Variants in KLHL1 observed in about 807,000 individuals in gnomAD.
The protein encoded by KLHL1 is kelch-like protein 1.
In KLHL1, 47 loss-of-function variants were observed where a neutral mutation model predicts 77.7. The observed-to-expected ratio is 0.60, with a 90% confidence interval of 0.48 to 0.77. The LOEUF is 0.77. Among genes scored for constraint, KLHL1 ranks in the 30% least tolerant of loss-of-function variants. The pLI, the probability that KLHL1 is intolerant of heterozygous loss-of-function variation, is 0.00. For missense variants in KLHL1, 925 were observed against 910.8 expected (o/e 1.02, Z -0.20); for synonymous variants, 360 against 325.2 (o/e 1.11, Z -1.15).
At chr13:70,077,592 A>G (rs1887295294) in intron 1 of KLHL1, among the ~76,000 whole-genome samples, 1 of 152,046 alleles carries the variant, frequency 6.6e-6, no homozygotes, top group Admixed American at 6.6e-5. Context: ...TAGATTTTGG[A>G]TAATAACAAT....
At chr13:70,095,562 C>G (rs1887768730) in intron 1 of KLHL1, among the ~76,000 whole-genome samples, 1 of 152,042 alleles carries the variant, frequency 6.6e-6, no homozygotes, top group South Asian at 2.1e-4. Context: ...GGATACATGA[C>G]AGTTGTACAT....
chr13:69,743,522 C>T (rs141223959), intron 7 of KLHL1, among the ~76,000 whole-genome samples: 4 of 152,120 alleles, frequency 2.6e-5, no homozygotes, highest in African/African-American at 7.2e-5. Context: ...TGGTGGCTCA[C>T]GCCAGTAATC....
chr13:69,788,044 C>G (rs1328986282), intron 7 of KLHL1, among the ~76,000 whole-genome samples: 1 of 152,180 alleles, frequency 6.6e-6, no homozygotes, highest in Non-Finnish European at 1.5e-5. Context: ...GAAATAGGAA[C>G]ACTTTTACAC....
intron 1 of KLHL1, among the ~76,000 whole-genome samples, chr13:70,045,887 AG>A (rs1886483867): frequency 6.6e-6 from 1 of 152,214 alleles, no homozygotes; most frequent in African/African-American, 2.4e-5. Flanking sequence ...GTTTTGTCAA[AG>A]CTTTTAATCA....
intron 7 of KLHL1, among the ~76,000 whole-genome samples, chr13:69,741,670 C>G (rs990874017): frequency 7.9e-5 from 12 of 152,186 alleles, no homozygotes; most frequent in African/African-American, 2.6e-4. Context: ...TGTCTAGAGC[C>G]CTGACTTCAT....
chr13:69,770,712 C>T (rs974305068), intron 7 of KLHL1, among the ~76,000 whole-genome samples: 20 of 152,102 alleles, frequency 1.3e-4, no homozygotes, highest in African/African-American at 4.8e-4. Flanking sequence ...CTCTGCTCTA[C>T]AATAGAATAA....
At chr13:70,106,190 A>G (rs1040574387) in intron 1 of KLHL1, among the ~76,000 whole-genome samples, 15 of 151,952 alleles carry the variant, frequency 9.9e-5, no homozygotes, top group African/African-American at 3.1e-4. Flanking sequence ...ACTAAAAAAG[A>G]TGCTTCTGTT....
intron 7 of KLHL1, among the ~76,000 whole-genome samples, chr13:69,780,245 C>T (rs965236736): frequency 3.3e-5 from 5 of 152,168 alleles, no homozygotes; most frequent in Non-Finnish European, 7.4e-5. Context: ...GCATCTCCAA[C>T]TTACCTCCTT....
At chr13:69,753,822 T>C (rs1874587971) in intron 7 of KLHL1, among the ~76,000 whole-genome samples, 1 of 142,306 alleles carries the variant, frequency 7.0e-6, no homozygotes, top group Non-Finnish European at 1.5e-5. Flanking sequence ...TCATTTTCCA[T>C]AATGGCATAG....
At chr13:69,871,497 C>A (rs752508455) in intron 5 of KLHL1, among the ~76,000 whole-genome samples, 1 of 152,194 alleles carries the variant, frequency 6.6e-6, no homozygotes, top group African/African-American at 2.4e-5. Context: ...TTCTCTACCA[C>A]ATGACCAGGC....
intron 10 of KLHL1, among the ~76,000 whole-genome samples, chr13:69,706,153 A>ATT (rs200920987): frequency 8.0e-5 from 12 of 149,436 alleles, no homozygotes; most frequent in East Asian, 2.0e-4. Flanking sequence ...ACTTGCTTTT[A>ATT]TTTTTTTTTT....
chr13:69,981,809 A>C (rs937197928), intron 1 of KLHL1, among the ~76,000 whole-genome samples: 2 of 152,062 alleles, frequency 1.3e-5, no homozygotes, highest in Admixed American at 6.6e-5. Context: ...AAATCTAAAA[A>C]AATTCTAACA....
chr13:69,714,398 T>G (rs1876018130), intron 9 of KLHL1, among the ~76,000 whole-genome samples: 1 of 152,080 alleles, frequency 6.6e-6, no homozygotes, highest in Non-Finnish European at 1.5e-5. Context: ...TTAACTACTG[T>G]CAGTCAGCAG....
chr13:69,962,583 A>G (rs1442630941), intron 2 of KLHL1, among the ~76,000 whole-genome samples: 1 of 152,080 alleles, frequency 6.6e-6, no homozygotes, highest in African/African-American at 2.4e-5. Flanking sequence ...TTGGAATATA[A>G]GCTTTACTAA....
At chr13:69,796,595 T>C (rs745617375) in intron 7 of KLHL1, 143 bp downstream of exon 7, 1 of 666,280 alleles carries the variant, frequency 1.5e-6, no homozygotes, top group Non-Finnish European at 2.5e-6. Flanking sequence ...CCAAGAAATT[T>C]TTCTATGTTA....
At chr13:69,790,042 T>G (rs1876794934) in intron 7 of KLHL1, among the ~76,000 whole-genome samples, 1 of 152,020 alleles carries the variant, frequency 6.6e-6, no homozygotes, top group Non-Finnish European at 1.5e-5. Context: ...ACTATCAAGC[T>G]TCTCTTGGTG....
intron 4 of KLHL1, among the ~76,000 whole-genome samples, chr13:69,928,965 T>C (rs1882905735): frequency 6.6e-6 from 1 of 152,140 alleles, no homozygotes; most frequent in South Asian, 2.1e-4. Context: ...TAGAAAAATA[T>C]TTATTCATTC....
intron 1 of KLHL1, among the ~76,000 whole-genome samples, chr13:70,086,926 C>T: frequency 6.6e-6 from 1 of 151,774 alleles, no homozygotes; most frequent in Non-Finnish European, 1.5e-5. Flanking sequence ...GAGAGTGGAG[C>T]CCAAAAACAG....
intron 8 of KLHL1, among the ~76,000 whole-genome samples, chr13:69,735,460 A>G (rs1165809487): frequency 6.6e-6 from 1 of 150,586 alleles, no homozygotes; most frequent in East Asian, 2.0e-4. Context: ...TAGAAAATCT[A>G]TTATAAATTG....
Sources: allele counts gnomAD v4.1 joint callset (sites outside exome capture counted in the v4.1 genomes callset), GRCh38; gene constraint gnomAD v4.1.1; transcripts MANE v1.5; gene names NCBI Gene and HGNC (gene_info 2026-07-23, HGNC 2026-07-21).